The following FGGY variants were observed in gnomAD, a reference collection of about 807,000 sequenced individuals.
The protein encoded by FGGY is FGGY carbohydrate kinase domain containing, also known as FGGY carbohydrate kinase domain-containing protein.
Under a neutral mutation model 71.3 loss-of-function variants are expected in FGGY, and 72 were observed. That is an observed-to-expected ratio of 1.01 (90% confidence interval 0.84 to 1.23). FGGY has a LOEUF of 1.23. FGGY is among the 50% of genes most tolerant of loss of function. FGGY has a pLI of 0.00. For missense variants in FGGY, 668 were observed against 682.3 expected, an observed-to-expected ratio of 0.98 and a Z score of 0.23; for synonymous variants, 251 against 250.3, an observed-to-expected ratio of 1.00 and a Z score of -0.02.
chr1:59,639,372 T>C (rs967276929), intron 11 of FGGY, among the ~76,000 whole-genome samples: 19 of 152,162 alleles, frequency 1.2e-4, no homozygotes, highest in Non-Finnish European at 1.6e-4. Context: ...CTTCTATTAC[T>C]AAAAGGGAGT....
chr1:59,460,473 C>T (rs1023866752), intron 6 of FGGY, among the ~76,000 whole-genome samples: 8 of 152,184 alleles, frequency 5.3e-5, no homozygotes, highest in Non-Finnish European at 7.3e-5. Context: ...ACTGGGGGCA[C>T]GGCGTAGCTG....
At chr1:59,396,660 A>G (rs2153393287) in intron 5 of FGGY, among the ~76,000 whole-genome samples, 1 of 152,314 alleles carries the variant, frequency 6.6e-6, no homozygotes, top group Middle Eastern at 3.4e-3. Flanking sequence ...ACTGGACTTC[A>G]AACTGGACTT....
At chr1:59,698,275 A>C (rs1332027600) in intron 14 of FGGY, among the ~76,000 whole-genome samples, 1 of 152,078 alleles carries the variant, frequency 6.6e-6, no homozygotes, top group Non-Finnish European at 1.5e-5. Context: ...TTTTTTTCTC[A>C]TCAAAAACAC....
At chr1:59,689,362 T>C (rs2097571443) in intron 14 of FGGY, among the ~76,000 whole-genome samples, 1 of 152,110 alleles carries the variant, frequency 6.6e-6, no homozygotes, top group South Asian at 2.1e-4. Context: ...CGTTAACTCC[T>C]GGGAAGGGTC....
At chr1:59,383,481 A>G (rs112668849) in intron 5 of FGGY, among the ~76,000 whole-genome samples, 9,680 of 152,256 alleles carry the variant, frequency 0.064, 368 homozygotes, top group Middle Eastern at 0.13. Context: ...GGCCAAAGGC[A>G]TTCCAAATTT....
At chr1:59,434,051 C>G (rs952059075) in intron 5 of FGGY, among the ~76,000 whole-genome samples, 3 of 152,206 alleles carry the variant, frequency 2.0e-5, no homozygotes, top group South Asian at 2.1e-4. Context: ...ACCTACCTGT[C>G]CTGTCTACCT....
chr1:59,530,583 T>C (rs2095115391), intron 7 of FGGY, among the ~76,000 whole-genome samples: 1 of 151,946 alleles, frequency 6.6e-6, no homozygotes, highest in Non-Finnish European at 1.5e-5. Context: ...TCCCTCCCCT[T>C]CCCCCAAAAA....
chr1:59,535,353 A>G (rs1055374501), intron 7 of FGGY, among the ~76,000 whole-genome samples: 36 of 152,170 alleles, frequency 2.4e-4, no homozygotes, highest in African/African-American at 7.7e-4. Flanking sequence ...TGACCTACAA[A>G]GAGACTTAGA....
At chr1:59,392,216 C>T (rs544791426) in intron 5 of FGGY, among the ~76,000 whole-genome samples, 43 of 152,274 alleles carry the variant, frequency 2.8e-4, no homozygotes, top group African/African-American at 9.6e-4. Flanking sequence ...TTCATACTTT[C>T]GGAATATGTT....
At chr1:59,727,474 A>G (rs779446723) in intron 14 of FGGY, among the ~76,000 whole-genome samples, 18 of 152,182 alleles carry the variant, frequency 1.2e-4, no homozygotes, top group Non-Finnish European at 2.1e-4. Context: ...CACAGTTAAA[A>G]TGAATTACCT....
intron 11 of FGGY, chr1:59,641,480 C>T: frequency 2.9e-6 from 2 of 699,858 alleles, no homozygotes; most frequent in Non-Finnish European, 4.8e-6. Flanking sequence ...CCTAAGTTCA[C>T]ATAAAAGTAG....
intron 5 of FGGY, among the ~76,000 whole-genome samples, chr1:59,400,853 C>A (rs1043769028): frequency 2.6e-5 from 4 of 152,040 alleles, no homozygotes; most frequent in African/African-American, 9.7e-5. Context: ...CTCACTGCAG[C>A]CTTGACCTCC....
intron 5 of FGGY, among the ~76,000 whole-genome samples, chr1:59,453,908 C>T (rs1224859827): frequency 1.3e-5 from 2 of 152,144 alleles, no homozygotes; most frequent in Non-Finnish European, 2.9e-5. Flanking sequence ...TACAAAGTTA[C>T]ATGGCAAAGA....
At chr1:59,552,126 T>A (rs184401928) in intron 7 of FGGY, among the ~76,000 whole-genome samples, 41 of 152,280 alleles carry the variant, frequency 2.7e-4, no homozygotes, top group African/African-American at 8.9e-4. Flanking sequence ...TCTCATAGTC[T>A]GAGGGCAGGG....
intron 5 of FGGY, among the ~76,000 whole-genome samples, chr1:59,429,882 A>G (rs2067032930): frequency 6.6e-6 from 1 of 152,232 alleles, no homozygotes; most frequent in African/African-American, 2.4e-5. Flanking sequence ...TTCTGAACTC[A>G]GCCCATAGTT....
At chr1:59,651,447 G>A (rs1402289151) in intron 11 of FGGY, among the ~76,000 whole-genome samples, 3 of 148,256 alleles carry the variant, frequency 2.0e-5, no homozygotes, top group African/African-American at 7.6e-5. Context: ...TGTATTGGGT[G>A]CATATATATT....
At chr1:59,714,224 T>G (rs979150658) in intron 14 of FGGY, among the ~76,000 whole-genome samples, 2 of 152,162 alleles carry the variant, frequency 1.3e-5, no homozygotes, top group African/African-American at 4.8e-5. Flanking sequence ...TCAGCTCTCC[T>G]GAGCTAGAAA....
chr1:59,576,409 G>C (rs2096075574), intron 8 of FGGY, among the ~76,000 whole-genome samples: 1 of 152,008 alleles, frequency 6.6e-6, no homozygotes, highest in Non-Finnish European at 1.5e-5. Flanking sequence ...GGGGGTAGGG[G>C]GAAAGGGGAA....
At chr1:59,701,933 G>A (rs867361422) in intron 14 of FGGY, among the ~76,000 whole-genome samples, 5 of 152,216 alleles carry the variant, frequency 3.3e-5, no homozygotes, top group Non-Finnish European at 7.4e-5. Flanking sequence ...TTGTATTAGC[G>A]TGTTTTTACA....
Sources: allele counts gnomAD v4.1 joint callset (sites outside exome capture counted in the v4.1 genomes callset), GRCh38; gene constraint gnomAD v4.1.1; transcripts MANE v1.5; gene names NCBI Gene and HGNC (gene_info 2026-07-23, HGNC 2026-07-21).